Variants in PBX1 observed in about 807,000 individuals in gnomAD.
PBX1 encodes PBX homeobox 1.
Under a neutral mutation model 53.4 loss-of-function variants are expected in PBX1, and 6 were observed. The observed-to-expected ratio is 0.11, with a 90% confidence interval of 0.06 to 0.22. The LOEUF is 0.22. Ranked by LOEUF, PBX1 falls within the 10% of genes least tolerant of loss-of-function variation. The probability of loss-of-function intolerance (pLI) is 1.00; values close to 1 mark genes in which losing one functional copy is unlikely to be tolerated. For synonymous variants in PBX1, 204 were observed against 212.3 expected (o/e 0.96, Z 0.34); for missense variants, 251 against 551.4 (o/e 0.46, Z 5.46).
chr1:164,803,508 G>T (rs1259433682), intron 4 of PBX1, among the ~76,000 whole-genome samples: 1 of 152,216 alleles, frequency 6.6e-6, no homozygotes, highest in African/African-American at 2.4e-5. Flanking sequence ...TGAGGAATTT[G>T]CTGTTTAGTT....
chr1:164,664,586 A>C (rs1660697679), intron 2 of PBX1, among the ~76,000 whole-genome samples: 1 of 152,218 alleles, frequency 6.6e-6, no homozygotes, highest in Non-Finnish European at 1.5e-5. Context: ...TCCTGGCATC[A>C]TTCTGCATTA....
chr1:164,833,206 A>AAAC (rs1360821048), intron 8 of PBX1, among the ~76,000 whole-genome samples: 1 of 151,946 alleles, frequency 6.6e-6, no homozygotes, highest in Non-Finnish European at 1.5e-5. Flanking sequence ...AAAAAAACAA[A>AAAC]AACAAAAAAA....
chr1:164,828,769 G>A (rs549022587), intron 8 of PBX1: 2 of 152,244 alleles, frequency 1.3e-5, no homozygotes, highest in African/African-American at 4.8e-5. Flanking sequence ...TTAATTATGG[G>A]AAACATTAGC....
chr1:164,595,295 G>A (rs10800038), intron 2 of PBX1, among the ~76,000 whole-genome samples: 61,721 of 151,998 alleles, frequency 0.41, 14,024 homozygotes, highest in African/African-American at 0.61. Context: ...CTAAAAATCC[G>A]TGGAAGCCGT....
In PBX1 at chr1:164,847,817, C is replaced by G. The variant is rs1418517659; in HGVS notation, c.*1141C>G. Reference sequence around the variant, plus strand: ...GGGGCTTCCAGGACCTGCAGGCCCACTAGCGTGCACTTACCAGAATGGCAT... The same window carrying G: ...GGGGCTTCCAGGACCTGCAGGCCCAGTAGCGTGCACTTACCAGAATGGCAT... On this transcript the variant is annotated 3_prime_UTR_variant, in exon 9 of 9. Coordinates refer to ENST00000420696, the MANE Select transcript of PBX1 (RefSeq NM_002585.4). The G allele has an allele frequency of 1.9e-6, 2 of 1,054,804 alleles. No individual in the cohort carries two copies. Among genetic ancestry groups the G allele is most frequent in the Non-Finnish European group, 2.3e-6 (2 of 872,710 alleles). 65.3% of individuals were successfully genotyped at this position (1,054,804 alleles called of 1,614,324 possible).
intron 3 of PBX1, among the ~76,000 whole-genome samples, chr1:164,799,454 G>A (rs1295686588): frequency 6.6e-6 from 1 of 152,152 alleles, no homozygotes; most frequent in African/African-American, 2.4e-5. Context: ...TCGTGCCACT[G>A]CACTCCAGCC....
chr1:164,671,650 C>T (rs1255416745), intron 2 of PBX1, among the ~76,000 whole-genome samples: 2 of 151,940 alleles, frequency 1.3e-5, no homozygotes, highest in African/African-American at 4.8e-5. Context: ...TAAGTCTAGG[C>T]CATTTCTGGG....
intron 2 of PBX1, among the ~76,000 whole-genome samples, chr1:164,592,253 C>G (rs941260211): frequency 1.3e-5 from 2 of 152,190 alleles, no homozygotes; most frequent in Non-Finnish European, 2.9e-5. Context: ...GTGTGAGAGT[C>G]TGGATGAGGT....
chr1:164,646,281 C>G (rs1659448315), intron 2 of PBX1, among the ~76,000 whole-genome samples: 1 of 152,124 alleles, frequency 6.6e-6, no homozygotes, highest in East Asian at 1.9e-4. Context: ...CTCACCGCAT[C>G]TATGTTATGA....
At chr1:164,878,246 C>T (rs1359179488) in intron 2 of PBX1, among the ~76,000 whole-genome samples, 1 of 152,098 alleles carries the variant, frequency 6.6e-6, no homozygotes. Flanking sequence ...TATAGGGTTA[C>T]TGTGAGGATT....
chr1:164,806,786 G>A (rs1169185505), intron 4 of PBX1, among the ~76,000 whole-genome samples: 3 of 152,192 alleles, frequency 2.0e-5, no homozygotes, highest in Non-Finnish European at 2.9e-5. Context: ...CTGGAACCTG[G>A]TAGGAAGAAA....
intron 2 of PBX1, among the ~76,000 whole-genome samples, chr1:164,732,003 A>T (rs1422766149): frequency 6.6e-6 from 1 of 152,174 alleles, no homozygotes; most frequent in Non-Finnish European, 1.5e-5. Flanking sequence ...CACAGTGGGC[A>T]GCCAGAAGAA....
chr1:164,812,296 A>G, intron 6 of PBX1, 147 bp downstream of exon 6: 1 of 785,636 alleles, frequency 1.3e-6, no homozygotes, highest in Non-Finnish European at 1.9e-6. Context: ...TGTTAATGTC[A>G]CTTTGGGCTC....
chr1:164,873,253 G>A (rs951485994), intron 2 of PBX1, among the ~76,000 whole-genome samples: 3 of 152,184 alleles, frequency 2.0e-5, no homozygotes, highest in Non-Finnish European at 4.4e-5. Context: ...AAAAACCCTT[G>A]AGGACTTCAG....
At chr1:164,876,996 A>G (rs1672528746) in intron 2 of PBX1, among the ~76,000 whole-genome samples, 1 of 152,158 alleles carries the variant, frequency 6.6e-6, no homozygotes, top group African/African-American at 2.4e-5. Flanking sequence ...CATCTAGCAA[A>G]CAGTGATAGA....
At chr1:164,588,547 A>G (rs1655122516) in intron 2 of PBX1, among the ~76,000 whole-genome samples, 1 of 132,472 alleles carries the variant, frequency 7.5e-6, no homozygotes, top group Non-Finnish European at 1.6e-5. Flanking sequence ...ATATGCATAT[A>G]TATTCTTTAT....
intron 8 of PBX1, among the ~76,000 whole-genome samples, chr1:164,837,122 C>T: frequency 6.6e-6 from 1 of 152,144 alleles, no homozygotes; most frequent in East Asian, 1.9e-4. Flanking sequence ...TCAAAATTTA[C>T]CCCACGAGGG....
chr1:164,825,915 C>T (rs1389753888), intron 8 of PBX1, among the ~76,000 whole-genome samples: 3 of 151,668 alleles, frequency 2.0e-5, no homozygotes, highest in Non-Finnish European at 4.4e-5. Context: ...AGCAACATAA[C>T]ATTGTTGTAA....
intron 2 of PBX1, among the ~76,000 whole-genome samples, chr1:164,719,204 G>C (rs889374840): frequency 2.0e-5 from 3 of 152,130 alleles, no homozygotes; most frequent in South Asian, 2.1e-4. Context: ...GCAACTCAAT[G>C]ATGAGCCATT....
Sources: gnomAD v4.1 joint callset for allele counts (sites outside exome capture counted in the v4.1 genomes callset) on GRCh38, gnomAD v4.1.1 for gene constraint, MANE v1.5 for transcripts, NCBI Gene and HGNC (gene_info 2026-07-23, HGNC 2026-07-21) for gene names.